The following PKD1 variants were observed in gnomAD, a reference collection of about 807,000 sequenced individuals.
The protein encoded by PKD1 is polycystin 1, transient receptor potential channel interacting.
A neutral mutation model predicts 361.7 loss-of-function variants in PKD1; 81 were observed. The ratio of observed to expected loss-of-function variants is 0.22; its 90% CI spans 0.19 to 0.27. The LOEUF is 0.27. Ranked by LOEUF, PKD1 falls within the 10% of genes least tolerant of loss-of-function variation. PKD1 has a pLI of 1.00. For synonymous variants in PKD1, 3,615 were observed against 2,818.3 expected (o/e 1.28, Z -8.95); for missense variants, 6,399 against 6,118.3 (o/e 1.05, Z -1.53).
In PKD1 at chr16:2,106,119, G is replaced by A; in HGVS notation, c.7675C>T (p.Leu2559=). The A allele has an allele frequency of 1.2e-6, 2 of 1,605,256 alleles. No homozygotes were observed. Among genetic ancestry groups the A allele is most frequent in the Middle Eastern group, 2.3e-4 (1 of 4,418 alleles). Residue 2559 remains leucine (L), a synonymous_variant, in exon 19 of 46, where the codon CTG becomes TTG. Transcript: ENST00000262304. This position sits in a 1 kb window ranked among gnomAD's most constrained non-coding sequence, Gnocchi z 6.5. ...VGLAVVVQDQ[L]GAAVVALNRS... ...TTGAGGGCGACCACAGCGGCTCCCA[G>A]CTGGTCCTGCACCACCACGGCCAGG...
chr16:2,092,606 A>C lies in PKD1; in HGVS notation c.11157-14T>G, dbSNP rs749678452. The C allele has an allele frequency of 2.6e-6, 4 of 1,566,716 alleles. No homozygotes were observed. The highest frequency in any genetic ancestry group is 3.5e-6 in the Non-Finnish European group (4 of 1,140,400). On this transcript the variant is annotated splice_polypyrimidine_tract_variant and intron_variant, in intron 38 of 45. Transcript: ENST00000262304. ...AGCTCCTCAGACCTGCCACAGCATC[A>C]GTCACACGCTCCAGCCCCTACTGCC...
intron 1 of PKD1, among the ~76,000 whole-genome samples, chr16:2,125,482 G>C (rs1158137770): frequency 1.3e-5 from 2 of 152,118 alleles, no homozygotes; most frequent in African/African-American, 4.8e-5. Flanking sequence ...CTGTCCCCAG[G>C]ATGAGATGCC....
At position 2,103,400 on chromosome 16, in the gene PKD1, C is replaced by T. The variant is rs780657225; in HGVS notation, c.8657G>A (p.Gly2886Asp). ...GGCGGAGTTGGCGGAGCTGCGGTGG[C>T]CCCGGGCAGCCCAGTCCGAGTTGTT... Reference protein sequence around the residue: ...VPNNSDWAARGHRSSANSANS... With the variant: ...VPNNSDWAARDHRSSANSANS... Residue 2886 changes from glycine (G) to aspartate (D), a missense_variant, in exon 23 of 46, where the codon GGC becomes GAC. By Grantham distance (94) the Gly-to-Asp change is moderately conservative. Coordinates refer to ENST00000262304, the MANE Select transcript of PKD1 (RefSeq NM_001009944.3). The T allele has an allele frequency of 6.9e-6, 11 of 1,599,574 alleles. No individual in the cohort carries two copies. In the Admixed American group the frequency reaches 8.3e-5, roughly 12 times the overall value.
intron 13 of PKD1, 33 bp downstream of exon 13, chr16:2,112,755 T>C: frequency 6.3e-7 from 1 of 1,587,048 alleles, no homozygotes; most frequent in South Asian, 1.1e-5. Flanking sequence ...AAGAGCCTGG[T>C]GCCCACCCCA....
At chr16:2,092,779 A>G (rs976016145) in intron 38 of PKD1, 175 bp downstream of exon 38, 6 of 860,448 alleles carry the variant, frequency 7.0e-6, no homozygotes, top group East Asian at 2.5e-5. Context: ...CGTCCTGTGC[A>G]CTGCAAGACA....
chr16:2,111,117 C>A lies in PKD1; in HGVS notation c.4050G>T (p.Thr1350=). 1 of 1,610,862 alleles carries A rather than the reference C, an allele frequency of 6.2e-7. No homozygotes were observed. The highest frequency in any genetic ancestry group is 8.5e-7 in the Non-Finnish European group (1 of 1,179,788). The change falls in exon 15 of 46, where the codon ACG becomes ACT. Residue 1350 remains threonine, a synonymous_variant. Coordinates refer to ENST00000262304, the MANE Select transcript of PKD1 (RefSeq NM_001009944.3). ...RGCPTVTHNF[T]RSGTFPLALV... ...GCGCCAGGGGGAACGTGCCGCTCCG[C>A]GTGAAGTTGTGTGTCACCGTCGGGC... is the stretch of plus-strand genomic sequence containing the variant.
Position 2,116,870 on chromosome 16 carries a change from T to C in PKD1, c.1569A>G (p.Ser523=). 6.5e-7 allele frequency: 1 copy of C among 1,532,390 alleles called. No homozygotes were observed. The highest frequency in any genetic ancestry group is 1.2e-5 in the South Asian group (1 of 84,470). 94.9% of individuals were successfully genotyped at this position (1,532,390 alleles called of 1,614,324 possible). Residue 523 remains serine, a synonymous_variant, in exon 7 of 46, where the codon TCA becomes TCG. Coordinates refer to ENST00000262304, the MANE Select transcript of PKD1 (RefSeq NM_001009944.3). ...GCTCGCAGACGTAGCTGTGCGGCGCTGAGCACAGGTCGGTGTTACACCACC... is the reference window on the plus strand; with the variant it reads ...GCTCGCAGACGTAGCTGTGCGGCGCCGAGCACAGGTCGGTGTTACACCACC... The part of the protein sequence containing the change: ...PTGWCNTDLC[S]APHSYVCELQ...
At position 2,089,646 on chromosome 16, in the gene PKD1, C is replaced by T; in HGVS notation, c.*81G>A. On this transcript the variant is annotated 3_prime_UTR_variant, in exon 46 of 46. Coordinates refer to ENST00000262304, the MANE Select transcript of PKD1 (RefSeq NM_001009944.3). ...CCTACGTGCAGCCATTCTGCCTGGCCCTCGGCCTTGACAGCGGCAGAAAGT... is the reference window on the plus strand; with the variant it reads ...CCTACGTGCAGCCATTCTGCCTGGCTCTCGGCCTTGACAGCGGCAGAAAGT... 1 of 1,504,784 alleles carries T rather than the reference C, an allele frequency of 6.6e-7. No homozygotes were observed. The allele number at this position is 1,504,784 out of a possible 1,614,324, so 93.2% of individuals were successfully genotyped here.
chr16:2,090,713 C>T lies in PKD1; in HGVS notation c.12099G>A (p.Leu4033=), dbSNP rs761446686. 11 of 1,612,450 alleles carry T rather than the reference C, an allele frequency of 6.8e-6. No homozygotes were observed. Among genetic ancestry groups the T allele is most frequent in the Middle Eastern group, 3.3e-4 (2 of 6,084 alleles). The part of the protein sequence containing the change: ...LPELLGVTLG[L]VVLGVAYAQL... Reference sequence around the variant, plus strand: ...GGGCGTAGGCTACCCCGAGCACCACCAGGCCCAAGGTGACCCCCAGGAGCT... The same window carrying T: ...GGGCGTAGGCTACCCCGAGCACCACTAGGCCCAAGGTGACCCCCAGGAGCT... The change falls in exon 44 of 46, where the codon CTG becomes CTA. Residue 4033 remains leucine, a synonymous_variant. Transcript: ENST00000262304.
In PKD1 at chr16:2,110,110, G is replaced by A. The variant is rs776137178; in HGVS notation, c.5057C>T (p.Thr1686Ile). The change falls in exon 15 of 46, where the codon ACC (threonine) becomes ATC (isoleucine). Residue 1686 changes from threonine (T) to isoleucine (I), a missense_variant. Physicochemically the swap from Thr to Ile is moderately conservative, Grantham distance 89. Coordinates refer to ENST00000262304, the MANE Select transcript of PKD1 (RefSeq NM_001009944.3). ...LAGSGKGFSL[T>I]VLEAGTYHVQ... The stretch of plus-strand genomic sequence containing the variant: ...ATGGTAGGTGCCGGCCTCGAGCACG[G>A]TGAGCGAGAAGCCTTTGCCGCTGCC... 1 of 1,609,684 alleles carries A rather than the reference G, an allele frequency of 6.2e-7. No homozygotes were observed. Among genetic ancestry groups the A allele is most frequent in the African/African-American group, 1.3e-5 (1 of 74,986 alleles).
chr16:2,126,982 A>C (rs1204216513), intron 1 of PKD1, among the ~76,000 whole-genome samples: 1 of 152,202 alleles, frequency 6.6e-6, no homozygotes, highest in African/African-American at 2.4e-5. Flanking sequence ...CTCATGGGCC[A>C]GGATGGCAGA....
chr16:2,130,352 G>A (rs1247330011), intron 1 of PKD1, among the ~76,000 whole-genome samples: 1 of 152,142 alleles, frequency 6.6e-6, no homozygotes, highest in African/African-American at 2.4e-5. Context: ...CTTGCCCCTT[G>A]GGGACTCTCT....
In PKD1 at chr16:2,111,114, C is replaced by T; in HGVS notation, c.4053G>A (p.Arg1351=). 7 of 1,610,862 alleles carry T rather than the reference C, an allele frequency of 4.3e-6. No individual in the cohort carries two copies. Among genetic ancestry groups the T allele is most frequent in the Non-Finnish European group, 5.9e-6 (7 of 1,179,790 alleles). The change falls in exon 15 of 46, where the codon CGG becomes CGA. Residue 1351 remains arginine, a synonymous_variant. Transcript: ENST00000262304. ...CCAGCGCCAGGGGGAACGTGCCGCT[C>T]CGCGTGAAGTTGTGTGTCACCGTCG... The part of the protein sequence containing the change: ...GCPTVTHNFT[R]SGTFPLALVL...
Position 2,108,006 on chromosome 16 carries a change from G to A in PKD1, c.6942C>T (p.Asn2314=). The change falls in exon 16 of 46, where the codon AAC becomes AAT. Residue 2314 remains asparagine (N), a synonymous_variant. Transcript: ENST00000262304. ...TQREAGGCAL[N]FGPRGSSTVT... ...CCGTGCTGCTCCCGCGGGGCCCAAA[G>A]TTCAGCGCACACCCGCCAGCCTCCC... is the stretch of plus-strand genomic sequence containing the variant. The A allele has an allele frequency of 1.3e-6, 2 of 1,549,024 alleles. No homozygotes were observed. Among genetic ancestry groups the A allele is most frequent in the South Asian group, 1.2e-5 (1 of 84,284 alleles).
At chr16:2,122,239 G>A (rs1401900700) in intron 1 of PKD1, among the ~76,000 whole-genome samples, 1 of 152,254 alleles carries the variant, frequency 6.6e-6, no homozygotes, top group Non-Finnish European at 1.5e-5. Flanking sequence ...CTGGGCACTG[G>A]CTCCCGGAGC....
intron 26 of PKD1, among the ~76,000 whole-genome samples, chr16:2,101,556 T>C (rs2092097560): frequency 6.6e-6 from 1 of 152,126 alleles, no homozygotes; most frequent in African/African-American, 2.4e-5. Context: ...AGCTGGAAGT[T>C]GCTGTGAGCC....
chr16:2,089,741 G>C lies in PKD1; in HGVS notation c.12898C>G (p.Pro4300Ala). Residue 4300 changes from proline (P) to alanine (A), a missense_variant, in exon 46 of 46, where the codon CCC becomes GCC. By Grantham distance (27) the Pro-to-Ala change is conservative. Coordinates refer to ENST00000262304, the MANE Select transcript of PKD1 (RefSeq NM_001009944.3). Reference sequence around the variant, plus strand: ...AGGAAGGAGGACTAAGTGCTGCTGGGGTGGACCTTGTTCTTGGCCCGAAGG... The same window carrying C: ...AGGAAGGAGGACTAAGTGCTGCTGGCGTGGACCTTGTTCTTGGCCCGAAGG... ...TPLRAKNKVH[P>A]SST The C allele has an allele frequency of 6.3e-7, 1 of 1,586,076 alleles. No homozygotes were observed. Among genetic ancestry groups the C allele is most frequent in the South Asian group, 1.1e-5 (1 of 87,310 alleles).
intron 16 of PKD1, 167 bp downstream of exon 16, chr16:2,107,716 T>G (rs926005183): frequency 1.2e-5 from 8 of 689,606 alleles, no homozygotes; most frequent in Non-Finnish European, 2.0e-5. Context: ...GTGGCAGGTT[T>G]GGAAGGAAGC....
chr16:2,122,759 G>A (rs1390161831), intron 1 of PKD1, among the ~76,000 whole-genome samples: 1 of 152,208 alleles, frequency 6.6e-6, no homozygotes, highest in East Asian at 1.9e-4. Flanking sequence ...TGAGGCACCG[G>A]GACCCGAGGC....
Sources: allele counts gnomAD v4.1 joint callset (sites outside exome capture counted in the v4.1 genomes callset), GRCh38; gene constraint gnomAD v4.1.1; non-coding constraint Gnocchi (gnomAD v3.1); transcripts MANE v1.5; gene names NCBI Gene and HGNC (gene_info 2026-07-23, HGNC 2026-07-21).